SH3RF3: variants seen among roughly 807,000 people sequenced by gnomAD.
The protein encoded by SH3RF3 is E3 ubiquitin-protein ligase SH3RF3.
A neutral mutation model predicts 66.3 loss-of-function variants in SH3RF3; 29 were observed. That is an observed-to-expected ratio of 0.44 (90% CI 0.33 to 0.60). The LOEUF is 0.60. SH3RF3 is among the 20% of genes least tolerant of loss of function. The pLI is 0.04. For synonymous variants in SH3RF3, 583 were observed against 532.0 expected (o/e 1.10, Z -1.32); for missense variants, 1,194 against 1,190.9 (o/e 1.00, Z -0.04).
At chr2:109,400,690 A>T (rs374967665) in intron 4 of SH3RF3, among the ~76,000 whole-genome samples, 10 of 151,720 alleles carry the variant, frequency 6.6e-5, no homozygotes. Context: ...TGGTGGATAC[A>T]CACCTGCACG....
At chr2:109,421,440 C>G (rs1373409277) in intron 5 of SH3RF3, among the ~76,000 whole-genome samples, 1 of 152,254 alleles carries the variant, frequency 6.6e-6, no homozygotes, top group Non-Finnish European at 1.5e-5. Context: ...AAGAAGGCTT[C>G]TCTGTCCTGG....
chr2:109,180,738 T>C (rs1678055159), intron 1 of SH3RF3, among the ~76,000 whole-genome samples: 1 of 152,186 alleles, frequency 6.6e-6, no homozygotes, highest in South Asian at 2.1e-4. Context: ...TCCCCAGCCA[T>C]GTGGAACTGT....
At chr2:109,430,420 C>T (rs1011070968) in intron 5 of SH3RF3, among the ~76,000 whole-genome samples, 6 of 152,172 alleles carry the variant, frequency 3.9e-5, no homozygotes, top group African/African-American at 1.2e-4. Context: ...CTTCCTTTGC[C>T]TCAGCCCAGG....
At chr2:109,316,387 T>A (rs2105444350) in intron 1 of SH3RF3, among the ~76,000 whole-genome samples, 1 of 152,302 alleles carries the variant, frequency 6.6e-6, no homozygotes, top group South Asian at 2.1e-4. Context: ...CCTGGTGCCA[T>A]GTTTCTCCCT....
At chr2:109,281,415 A>G (rs1456023117) in intron 1 of SH3RF3, among the ~76,000 whole-genome samples, 1 of 152,192 alleles carries the variant, frequency 6.6e-6, no homozygotes, top group Non-Finnish European at 1.5e-5. Context: ...ACAGTCTCAG[A>G]GCAGGATGTC....
chr2:109,171,400 G>A (rs565319718), intron 1 of SH3RF3, among the ~76,000 whole-genome samples: 130 of 152,256 alleles, frequency 8.5e-4, no homozygotes, highest in Admixed American at 2.2e-3. Flanking sequence ...TGAATATTCG[G>A]AGAAAATTAT....
At chr2:109,326,996 A>C (rs1348070667) in intron 1 of SH3RF3, among the ~76,000 whole-genome samples, 1 of 152,142 alleles carries the variant, frequency 6.6e-6, no homozygotes, top group Admixed American at 6.5e-5. Context: ...ATGTGTTGTT[A>C]ATATCTTCTG....
At chr2:109,357,369 G>A (rs1283482257) in intron 2 of SH3RF3, among the ~76,000 whole-genome samples, 3 of 152,134 alleles carry the variant, frequency 2.0e-5, no homozygotes, top group Non-Finnish European at 4.4e-5. Context: ...TTTTAGTAGA[G>A]ACGAGGTTTC....
chr2:109,433,077 A>G (rs1290396610), intron 6 of SH3RF3, among the ~76,000 whole-genome samples: 1 of 152,250 alleles, frequency 6.6e-6, no homozygotes, highest in African/African-American at 2.4e-5. Flanking sequence ...GTATTTGTGC[A>G]TGTGTGCAGA....
At chr2:109,174,527 A>G (rs541623201) in intron 1 of SH3RF3, among the ~76,000 whole-genome samples, 1 of 152,344 alleles carries the variant, frequency 6.6e-6, no homozygotes, top group Admixed American at 6.5e-5. Flanking sequence ...CAGTCCTGGA[A>G]TCAAAGCCTG....
chr2:109,316,736 G>A (rs958975404), intron 1 of SH3RF3, among the ~76,000 whole-genome samples: 5 of 152,268 alleles, frequency 3.3e-5, no homozygotes, highest in Middle Eastern at 3.4e-3. Flanking sequence ...ATAATGCGAT[G>A]TATCCACCAT....
chr2:109,378,784 A>C (rs1195681902), intron 3 of SH3RF3, among the ~76,000 whole-genome samples: 1 of 152,202 alleles, frequency 6.6e-6, no homozygotes, highest in Non-Finnish European at 1.5e-5. Flanking sequence ...TGGAAGTTGG[A>C]AATGAAAACT....
intron 1 of SH3RF3, among the ~76,000 whole-genome samples, chr2:109,172,263 T>G (rs1471435795): frequency 6.6e-6 from 1 of 152,180 alleles, no homozygotes; most frequent in African/African-American, 2.4e-5. Context: ...CAGGGATCTG[T>G]GGGCAACAGC....
chr2:109,450,112 G>C (rs1677824510), intron 8 of SH3RF3, among the ~76,000 whole-genome samples: 2 of 152,244 alleles, frequency 1.3e-5, no homozygotes, highest in Non-Finnish European at 2.9e-5. Flanking sequence ...TTGGGAGGCT[G>C]AGGCGGGCGG....
chr2:109,480,908 G>A (rs1057358838), intron 8 of SH3RF3, among the ~76,000 whole-genome samples: 2 of 152,202 alleles, frequency 1.3e-5, no homozygotes, highest in East Asian at 3.9e-4. Flanking sequence ...TGTCTTAAAA[G>A]AATGTCTAGA....
intron 1 of SH3RF3, among the ~76,000 whole-genome samples, chr2:109,344,840 C>T (rs1682648564): frequency 2.0e-5 from 3 of 152,156 alleles, no homozygotes; most frequent in African/African-American, 7.2e-5. Flanking sequence ...CAGACAGCCT[C>T]TAGGAGCTTG....
chr2:109,345,165 T>C (rs1335910342), intron 1 of SH3RF3, among the ~76,000 whole-genome samples: 1 of 152,204 alleles, frequency 6.6e-6, no homozygotes, highest in Admixed American at 6.5e-5. Flanking sequence ...TCAGTCTCTC[T>C]GGCTCTGCAC....
chr2:109,201,451 C>G (rs1191849366), intron 1 of SH3RF3, among the ~76,000 whole-genome samples: 1 of 152,166 alleles, frequency 6.6e-6, no homozygotes, highest in Non-Finnish European at 1.5e-5. Context: ...CCGCCACAGG[C>G]CAGCAGTCCC....
chr2:109,290,860 T>A (rs1354060281), intron 1 of SH3RF3, among the ~76,000 whole-genome samples: 1 of 152,262 alleles, frequency 6.6e-6, no homozygotes, highest in African/African-American at 2.4e-5. Context: ...AAGGCTTAAA[T>A]ATTATTTTTA....
Sources: allele counts gnomAD v4.1 joint callset (sites outside exome capture counted in the v4.1 genomes callset), GRCh38; gene constraint gnomAD v4.1.1; transcripts MANE v1.5; gene names NCBI Gene and HGNC (gene_info 2026-07-23, HGNC 2026-07-21).